Variants in SRD5A1 observed in about 807,000 individuals in gnomAD.
SRD5A1 encodes steroid 5 alpha-reductase 1.
Under a neutral mutation model 28.2 loss-of-function variants are expected in SRD5A1, and 22 were observed. That is an observed-to-expected ratio of 0.78 (90% CI 0.56 to 1.12). SRD5A1 has a LOEUF of 1.12. SRD5A1 is among the 50% of genes most tolerant of loss of function. SRD5A1 has a pLI of 0.00. For synonymous variants in SRD5A1, 151 were observed against 135.0 expected, an observed-to-expected ratio of 1.12 and a Z score of -0.82; for missense variants, 300 against 346.7, an observed-to-expected ratio of 0.87 and a Z score of 1.07.
At chr5:6,652,500 A>C (rs747723599) in intron 2 of SRD5A1, among the ~76,000 whole-genome samples, 2 of 152,132 alleles carry the variant, frequency 1.3e-5, no homozygotes, top group Non-Finnish European at 2.9e-5. Context: ...TACATTTTCA[A>C]CCTCTAATTA....
chr5:6,633,931 C>T (rs1450490179), intron 1 of SRD5A1, 62 bp downstream of exon 1: 1 of 1,552,032 alleles, frequency 6.4e-7, no homozygotes, highest in Non-Finnish European at 8.7e-7. Flanking sequence ...TCCGACCCTC[C>T]CCTCACTGCC....
At chr5:6,643,502 G>A (rs1478609933) in intron 1 of SRD5A1, among the ~76,000 whole-genome samples, 5 of 152,050 alleles carry the variant, frequency 3.3e-5, no homozygotes, top group Non-Finnish European at 7.4e-5. Flanking sequence ...AGGGGGTTTC[G>A]CCATGTTGCC....
intron 1 of SRD5A1, among the ~76,000 whole-genome samples, chr5:6,638,956 T>C (rs1179554926): frequency 6.6e-6 from 1 of 152,242 alleles, no homozygotes; most frequent in Non-Finnish European, 1.5e-5. Context: ...ATTTAAAAAT[T>C]ATTAAATCCA....
chr5:6,663,192 C>A (rs1739065309), intron 4 of SRD5A1, among the ~76,000 whole-genome samples: 1 of 152,232 alleles, frequency 6.6e-6, no homozygotes, highest in Non-Finnish European at 1.5e-5. Context: ...CTTAGCCTCT[C>A]TGAATTGACA....
rs995470443 is a variant in SRD5A1 at position 6,669,571 on chromosome 5, C to T, written c.*1303C>T. On this transcript the variant is annotated 3_prime_UTR_variant, in exon 5 of 5. Transcript: ENST00000274192. ...TAGACTTTGCCATTTAACAAGGTAG[C>T]TCAAATTCTTTTACTAATTGTTACA... The T allele has an allele frequency of 6.6e-6, 1 of 152,188 alleles. No individual in the cohort carries two copies. Among genetic ancestry groups the T allele is most frequent in the Non-Finnish European group, 1.5e-5 (1 of 68,046 alleles). 9.4% of individuals were successfully genotyped at this position (152,188 alleles called of 1,614,324 possible).
At chr5:6,642,584 T>C (rs1260762167) in intron 1 of SRD5A1, among the ~76,000 whole-genome samples, 2 of 152,248 alleles carry the variant, frequency 1.3e-5, no homozygotes, top group African/African-American at 4.8e-5. Context: ...CAGTTTGATA[T>C]GACTTGTGAT....
intron 1 of SRD5A1, among the ~76,000 whole-genome samples, chr5:6,650,675 G>A: frequency 6.7e-6 from 1 of 149,978 alleles, no homozygotes; most frequent in East Asian, 1.9e-4. Context: ...AAGTTTTAGG[G>A]TACATGTGCA....
At chr5:6,646,901 T>A (rs763776145) in intron 1 of SRD5A1, among the ~76,000 whole-genome samples, 24 of 152,230 alleles carry the variant, frequency 1.6e-4, no homozygotes, top group Non-Finnish European at 2.1e-4. Context: ...CTGCTTTCTC[T>A]TGCGGGCATT....
chr5:6,633,902 C>A, intron 1 of SRD5A1, 33 bp downstream of exon 1: 1 of 1,591,294 alleles, frequency 6.3e-7, no homozygotes, highest in Non-Finnish European at 8.5e-7. Context: ...CCCTACCCTA[C>A]TCCCGGCCCG....
chr5:6,644,836 G>T (rs1738462681), intron 1 of SRD5A1: 2 of 455,400 alleles, frequency 4.4e-6, no homozygotes, highest in Non-Finnish European at 8.8e-6. Flanking sequence ...CACTTGCAGT[G>T]TGCCTACATC....
At chr5:6,633,992 G>T in intron 1 of SRD5A1, 123 bp downstream of exon 1, 2 of 1,060,616 alleles carry the variant, frequency 1.9e-6, no homozygotes, top group South Asian at 1.4e-5. Flanking sequence ...CTCCCTGCCA[G>T]ATCCCCCGGG....
chr5:6,657,069 G>C lies in SRD5A1; in HGVS notation c.562+890G>C, dbSNP rs186022811. 1.0e-3 allele frequency among the ~76,000 whole-genome samples: 153 copies of C among 152,324 alleles called. 2 individuals carry two copies. The highest frequency in any genetic ancestry group is 3.2e-3 in the African/African-American group (133 of 41,568). On this transcript the variant is annotated intron_variant, in intron 3 of 4. Transcript: ENST00000274192. The stretch of plus-strand genomic sequence containing the variant: ...AGAGCTTCAGAAAAAATTTTTTAAA[G>C]TACATAAATCTAAAACTTTAATGGA...
Position 6,656,015 on chromosome 5 carries a change from G to A in SRD5A1, c.461-63G>A, listed in dbSNP as rs1561001455. On this transcript the variant is annotated intron_variant, in intron 2 of 4. Transcript: ENST00000274192. ...TGCAATAATACTGTTCAGTCAGGCT[G>A]GGGCTCGTAGTGAAATTTTACGGTT... The A allele has an allele frequency of 4.9e-6, 6 of 1,219,710 alleles. No individual in the cohort carries two copies. In the East Asian group the frequency reaches 7.0e-5, roughly 14 times the overall value. The allele number at this position is 1,219,710 out of a possible 1,614,324, so 75.6% of individuals were successfully genotyped here. A position where few individuals can be genotyped will look rare whatever the true frequency, so the allele number is the denominator to read the frequency against.
chr5:6,639,209 C>T (rs1738288506), intron 1 of SRD5A1, among the ~76,000 whole-genome samples: 1 of 152,198 alleles, frequency 6.6e-6, no homozygotes, highest in African/African-American at 2.4e-5. Context: ...ATAGAACTTG[C>T]TTGCAAGACG....
rs16877740 is a variant in SRD5A1, at chr5:6,639,415, G to A, written c.293+5546G>A. ...TTATACTGTATGGGTAATTCTGCCC[G>A]TTTGAATAGCTGGAGAAATCACTCA... On this transcript the variant is annotated intron_variant, in intron 1 of 4. Transcript: ENST00000274192. 4.4e-3 allele frequency among the ~76,000 whole-genome samples: 666 copies of A among 152,262 alleles called. 4 individuals are homozygous for A. The highest frequency in any genetic ancestry group is 0.015 in the African/African-American group (628 of 41,536).
Position 6,639,323 on chromosome 5 carries a change from C to T in SRD5A1, c.293+5454C>T, listed in dbSNP as rs188966288. Among the ~76,000 whole-genome samples the T allele has an allele frequency of 8.2e-4, 125 of 152,322 alleles. 1 individual carries two copies. Among genetic ancestry groups the T allele is most frequent in the African/African-American group, 2.9e-3 (122 of 41,576 alleles). ...ATGCATACTGTGCTATATTTTGAGT[C>T]TTTCCCCTTTGGAGCAGGTCCCATC... On this transcript the variant is annotated intron_variant, in intron 1 of 4. Coordinates refer to ENST00000274192, the MANE Select transcript of SRD5A1 (RefSeq NM_001047.4).
intron 1 of SRD5A1, among the ~76,000 whole-genome samples, chr5:6,648,418 T>C (rs537629376): frequency 6.6e-5 from 10 of 152,290 alleles, no homozygotes; most frequent in Admixed American, 5.9e-4. Flanking sequence ...GGTACAAGAG[T>C]CAAACGTAGA....
chr5:6,665,898 A>G (rs1293198432), intron 4 of SRD5A1, among the ~76,000 whole-genome samples: 2 of 152,256 alleles, frequency 1.3e-5, no homozygotes, highest in African/African-American at 4.8e-5. Context: ...AGAAGAGTTC[A>G]TGAGTTGAAA....
rs112071079 is a variant in SRD5A1 at position 6,639,918 on chromosome 5, C to A, written c.293+6049C>A. On this transcript the variant is annotated intron_variant, in intron 1 of 4. Transcript: ENST00000274192. ...TTGTGGTATTATCTTTTTCCCATAT[C>A]TTTCATTGCTTTTAATAAGTTTTTT... Among the ~76,000 whole-genome samples, 663 of 152,308 alleles carry A rather than the reference C, an allele frequency of 4.4e-3. 4 individuals carry two copies. Among genetic ancestry groups the A allele is most frequent in the African/African-American group, 0.015 (629 of 41,578 alleles).
Sources: allele counts gnomAD v4.1 joint callset (sites outside exome capture counted in the v4.1 genomes callset), GRCh38; gene constraint gnomAD v4.1.1; transcripts MANE v1.5; gene names NCBI Gene and HGNC (gene_info 2026-07-23, HGNC 2026-07-21).